The following BACE2 variants were observed in gnomAD, a reference collection of about 807,000 sequenced individuals.
BACE2 encodes the protein beta-secretase 2.
BACE2 carries 17 observed loss-of-function variants against 46.2 expected under a neutral mutation model. That is an observed-to-expected ratio of 0.37 (90% CI 0.25 to 0.55). The LOEUF is 0.55. BACE2 is among the 20% of genes least tolerant of loss of function. The pLI is 0.82. For missense variants in BACE2, 595 were observed against 698.1 expected, an observed-to-expected ratio of 0.85 and a Z score of 1.66; for synonymous variants, 277 against 295.9, an observed-to-expected ratio of 0.94 and a Z score of 0.66.
chr21:41,274,380 A>G (rs549051704), intron 8 of BACE2, among the ~76,000 whole-genome samples: 1 of 152,270 alleles, frequency 6.6e-6, no homozygotes, highest in Non-Finnish European at 1.5e-5. Context: ...AAAGGGTATT[A>G]TTTGGCAGCT....
chr21:41,275,488 C>G lies in BACE2; in HGVS notation c.1421C>G (p.Ala474Gly). The change falls in exon 9 of 9, where the codon GCG (alanine) becomes GGG (glycine). Residue 474 changes from alanine to glycine, a missense_variant. Ala to Gly is a moderately conservative substitution (Grantham distance 60). Coordinates refer to ENST00000330333, the MANE Select transcript of BACE2 (RefSeq NM_012105.5). Reference sequence around the variant, plus strand: ...CCCATTTTGTGGATTGTGTCCTATGCGCTCATGAGCGTCTGTGGAGCCATC... The same window carrying G: ...CCCATTTTGTGGATTGTGTCCTATGGGCTCATGAGCGTCTGTGGAGCCATC... ...SEPILWIVSY[A>G]LMSVCGAILL... The G allele has an allele frequency of 6.2e-7, 1 of 1,614,116 alleles. No homozygotes were observed. Among genetic ancestry groups the G allele is most frequent in the Non-Finnish European group, 8.5e-7 (1 of 1,180,030 alleles).
At chr21:41,257,984 G>A (rs895422863) in intron 8 of BACE2, among the ~76,000 whole-genome samples, 1 of 152,184 alleles carries the variant, frequency 6.6e-6, no homozygotes, top group Non-Finnish European at 1.5e-5. Flanking sequence ...GGCTTAATGG[G>A]AGGATTAGGT....
chr21:41,192,647 C>A (rs1985613817), intron 1 of BACE2, among the ~76,000 whole-genome samples: 1 of 152,190 alleles, frequency 6.6e-6, no homozygotes, highest in Non-Finnish European at 1.5e-5. Context: ...AATCAGCATC[C>A]CTATCTGCCA....
chr21:41,216,604 C>T (rs930343836), intron 1 of BACE2, among the ~76,000 whole-genome samples: 42 of 152,302 alleles, frequency 2.8e-4, no homozygotes, highest in East Asian at 2.7e-3. Flanking sequence ...CGTGTGAGAA[C>T]GAGCTCCGGT....
Position 41,193,340 on chromosome 21 carries a change from A to G in BACE2, c.312+24765A>G, listed in dbSNP as rs1601254447. 6.6e-6 allele frequency among the ~76,000 whole-genome samples: 1 copy of G among 152,340 alleles called. No homozygotes were observed. The highest frequency in any genetic ancestry group is 2.1e-4 in the South Asian group (1 of 4,828). On this transcript the variant is annotated intron_variant, in intron 1 of 8. Transcript: ENST00000330333. The surrounding 1 kb of genome is among the most constrained non-coding windows in gnomAD (Gnocchi z 4.2). ...TACCAGGAGGTGTGTTAATTTGCTC[A>G]AGCAATGAAACCACATCTGGTACAG...
intron 8 of BACE2, among the ~76,000 whole-genome samples, chr21:41,261,323 A>G (rs1187954998): frequency 6.6e-6 from 1 of 152,202 alleles, no homozygotes; most frequent in Admixed American, 6.5e-5. Context: ...TGTATGTGCA[A>G]TAGTGTCACA....
chr21:41,188,564 C>G (rs1042943589), intron 1 of BACE2, among the ~76,000 whole-genome samples: 32 of 152,128 alleles, frequency 2.1e-4, no homozygotes, highest in Non-Finnish European at 4.6e-4. Flanking sequence ...CCCATCACCC[C>G]CCCAGACCCA....
intron 1 of BACE2, among the ~76,000 whole-genome samples, chr21:41,215,133 G>A (rs1038794157): frequency 2.0e-5 from 3 of 152,178 alleles, no homozygotes; most frequent in Non-Finnish European, 2.9e-5. Flanking sequence ...TGAGGCAGAA[G>A]CTCCATCTCT....
At chr21:41,263,293 G>A (rs1987985372) in intron 8 of BACE2, among the ~76,000 whole-genome samples, 1 of 152,156 alleles carries the variant, frequency 6.6e-6, no homozygotes, top group African/African-American at 2.4e-5. Flanking sequence ...TGTATGCAAA[G>A]GAGAAATGAG....
chr21:41,191,799 G>GACA (rs1458737563), intron 1 of BACE2, among the ~76,000 whole-genome samples: 2 of 152,192 alleles, frequency 1.3e-5, no homozygotes, highest in African/African-American at 4.8e-5. Flanking sequence ...CACAGAAAGG[G>GACA]TCATCCTATT....
intron 3 of BACE2, among the ~76,000 whole-genome samples, chr21:41,238,926 A>G (rs1987209072): frequency 6.9e-6 from 1 of 144,190 alleles, no homozygotes; most frequent in African/African-American, 2.6e-5. Context: ...CACAATGTGC[A>G]CATGTACCCT....
At chr21:41,173,571 C>T (rs1984681631) in intron 1 of BACE2, among the ~76,000 whole-genome samples, 1 of 152,086 alleles carries the variant, frequency 6.6e-6, no homozygotes, top group Non-Finnish European at 1.5e-5. Context: ...CATGGTGAAA[C>T]CCCATCTCTA....
intron 1 of BACE2, chr21:41,180,008 A>ACAG (rs1985054077): frequency 2.9e-6 from 1 of 342,792 alleles, no homozygotes; most frequent in Non-Finnish European, 5.9e-6. Context: ...CCGGCTGTGC[A>ACAG]CAGCAGCAGC....
At chr21:41,269,522 A>C (rs1276374106) in intron 8 of BACE2, among the ~76,000 whole-genome samples, 1 of 152,204 alleles carries the variant, frequency 6.6e-6, no homozygotes, top group Non-Finnish European at 1.5e-5. Context: ...CATTCCCAGG[A>C]AACCACTGAC....
At chr21:41,226,161 A>T in intron 1 of BACE2, 105 bp from the exon 2 acceptor site, 1 of 853,098 alleles carries the variant, frequency 1.2e-6, no homozygotes, top group Non-Finnish European at 1.9e-6. Flanking sequence ...GTTCCAACTG[A>T]TAAATTATTC....
intron 3 of BACE2, among the ~76,000 whole-genome samples, chr21:41,241,417 G>A (rs1541103): frequency 0.55 from 82,903 of 151,862 alleles, 24,599 homozygotes; most frequent in East Asian, 0.87. Flanking sequence ...GGCAAACAAA[G>A]ATGTCTGCGG....
chr21:41,220,807 A>G (rs948644487), intron 1 of BACE2, among the ~76,000 whole-genome samples: 4 of 151,796 alleles, frequency 2.6e-5, no homozygotes, highest in Non-Finnish European at 5.9e-5. Context: ...CACATTTTCT[A>G]GGAGCTGTGT....
At chr21:41,240,362 T>C (rs886957377) in intron 3 of BACE2, among the ~76,000 whole-genome samples, 6 of 152,238 alleles carry the variant, frequency 3.9e-5, no homozygotes, top group African/African-American at 1.4e-4. Context: ...ACCTGGATGC[T>C]TTTAATCCCT....
intron 8 of BACE2, among the ~76,000 whole-genome samples, chr21:41,263,060 A>G (rs982886208): frequency 6.6e-6 from 1 of 152,138 alleles, no homozygotes; most frequent in Non-Finnish European, 1.5e-5. Flanking sequence ...CTTACTTTAA[A>G]GAAAATATTT....
Sources: gnomAD v4.1 joint callset for allele counts (sites outside exome capture counted in the v4.1 genomes callset) on GRCh38, gnomAD v4.1.1 for gene constraint, Gnocchi (gnomAD v3.1) non-coding constraint, MANE v1.5 for transcripts, NCBI Gene and HGNC (gene_info 2026-07-23, HGNC 2026-07-21) for gene names.